CCDC138: variants seen among roughly 807,000 people sequenced by gnomAD.
CCDC138 encodes the protein coiled-coil domain containing 138.
In CCDC138, 66 loss-of-function variants were observed where a neutral mutation model predicts 82.3. The observed-to-expected ratio is 0.80, with a 90% CI of 0.66 to 0.98. The LOEUF (loss-of-function observed/expected upper bound fraction) is 0.98. Among genes scored for constraint, CCDC138 ranks in the 50% least tolerant of loss-of-function variants. The pLI, the probability that CCDC138 is intolerant of heterozygous loss-of-function variation, is 0.00. For missense variants in CCDC138, 816 were observed against 758.9 expected, an observed-to-expected ratio of 1.08 and a Z score of -0.88; for synonymous variants, 297 against 265.4, an observed-to-expected ratio of 1.12 and a Z score of -1.16.
At chr2:108,855,491 A>G (rs1212950114) in intron 12 of CCDC138, among the ~76,000 whole-genome samples, 1 of 152,068 alleles carries the variant, frequency 6.6e-6, no homozygotes, top group African/African-American at 2.4e-5. Context: ...TGTTGCTAAA[A>G]AAAAAAAAAG....
chr2:108,790,645 G>A (rs1679757425), intron 3 of CCDC138, among the ~76,000 whole-genome samples: 1 of 152,204 alleles, frequency 6.6e-6, no homozygotes, highest in Non-Finnish European at 1.5e-5. Context: ...AGGTTGCAGT[G>A]AGCCGAGATC....
intron 10 of CCDC138, among the ~76,000 whole-genome samples, chr2:108,818,291 A>C (rs1440572368): frequency 6.6e-6 from 1 of 152,182 alleles, no homozygotes; most frequent in East Asian, 1.9e-4. Context: ...TGGGCAACAG[A>C]GTGAGACCCT....
chr2:108,791,540 G>C, intron 3 of CCDC138, 135 bp from the exon 4 acceptor site: 3 of 1,028,030 alleles, frequency 2.9e-6, no homozygotes, highest in Non-Finnish European at 4.5e-6. Flanking sequence ...CTTTTTACAT[G>C]TTTACATTTT....
rs1574333204 is a variant in CCDC138 at position 108,873,926 on chromosome 2, A to T, written c.1832+337A>T. Among the ~76,000 whole-genome samples, 3 of 152,260 alleles carry T rather than the reference A, an allele frequency of 2.0e-5. No homozygotes were observed. The South Asian group carries it at 6.2e-4, about 32-fold the overall frequency. On this transcript the variant is annotated intron_variant, in intron 14 of 14. Coordinates refer to ENST00000295124, the MANE Select transcript of CCDC138 (RefSeq NM_144978.3). The stretch of plus-strand genomic sequence containing the variant: ...CTTTGATTATTAAAAAAAAATTTCC[A>T]TTATACAGATGTAGAAAATTAAGAT...
intron 4 of CCDC138, 81 bp from the exon 5 acceptor site, chr2:108,794,459 T>A (rs1271437246): frequency 1.6e-6 from 2 of 1,243,772 alleles, no homozygotes; most frequent in Non-Finnish European, 1.1e-6. Flanking sequence ...ACTTAAAGCA[T>A]CTCTTCCTAA....
intron 10 of CCDC138, among the ~76,000 whole-genome samples, chr2:108,837,902 T>C (rs933671508): frequency 2.0e-5 from 3 of 152,090 alleles, no homozygotes; most frequent in African/African-American, 4.8e-5. Context: ...TCTCAACTTA[T>C]GAGGTGTCTA....
At chr2:108,879,960 T>C (rs965765255), downstream of CCDC138, among the ~76,000 whole-genome samples, 1 of 152,190 alleles carries the variant, frequency 6.6e-6, no homozygotes, top group Admixed American at 6.5e-5. Flanking sequence ...CTATATCTAT[T>C]CTCCAGGTGC....
chr2:108,876,333 C>A lies in CCDC138; in HGVS notation c.*80C>A. 2.6e-6 allele frequency: 2 copies of A among 768,030 alleles called. No homozygotes were observed. Among genetic ancestry groups the A allele is most frequent in the Non-Finnish European group, 4.0e-6 (2 of 496,178 alleles). 47.6% of individuals were successfully genotyped at this position (768,030 alleles called of 1,614,324 possible). On this transcript the variant is annotated 3_prime_UTR_variant, in exon 15 of 15. Coordinates refer to ENST00000295124, the MANE Select transcript of CCDC138 (RefSeq NM_144978.3). ...ATTACCAAAGTAACTACAATTCTACCAAGTAAAGTTATCAGTAGCATCATT... is the reference window on the plus strand; with the variant it reads ...ATTACCAAAGTAACTACAATTCTACAAAGTAAAGTTATCAGTAGCATCATT...
intron 12 of CCDC138, among the ~76,000 whole-genome samples, chr2:108,849,267 A>G (rs1691016032): frequency 6.6e-6 from 1 of 152,232 alleles, no homozygotes; most frequent in African/African-American, 2.4e-5. Context: ...CTTAGAGTCT[A>G]TGAAGAGGGG....
intron 1 of CCDC138, 115 bp from the exon 2 acceptor site, chr2:108,787,917 C>T: frequency 1.1e-6 from 1 of 898,140 alleles, no homozygotes; most frequent in Admixed American, 3.1e-5. Flanking sequence ...AAGATGGTGT[C>T]TACAAGATTT....
chr2:108,831,721 C>CTTCCTTCCTTCCTTCCTTCCTTCT, intron 10 of CCDC138, among the ~76,000 whole-genome samples: 1 of 151,814 alleles, frequency 6.6e-6, no homozygotes, highest in South Asian at 2.1e-4. Flanking sequence ...TCCTTCCTTC[C>CTTCCTTCCTTCCTTCCTTCCTTCT]TTCCTTCCTT....
intron 9 of CCDC138, among the ~76,000 whole-genome samples, chr2:108,814,737 T>C (rs1684467871): frequency 6.6e-6 from 1 of 151,298 alleles, no homozygotes; most frequent in South Asian, 2.1e-4. Context: ...GGTGCAACCT[T>C]TGCCTTCTGG....
At chr2:108,825,445 A>G (rs1336066745) in intron 10 of CCDC138, among the ~76,000 whole-genome samples, 1 of 152,112 alleles carries the variant, frequency 6.6e-6, no homozygotes, top group African/African-American at 2.4e-5. Context: ...AAAAAACCCA[A>G]CCCATTAGCA....
chr2:108,819,409 C>G (rs1489090426), intron 10 of CCDC138, among the ~76,000 whole-genome samples: 8 of 152,204 alleles, frequency 5.3e-5, no homozygotes, highest in Admixed American at 5.2e-4. Flanking sequence ...CAGGACTGGT[C>G]TGCATCTCAC....
At chr2:108,850,407 A>G (rs1428894640) in intron 12 of CCDC138, among the ~76,000 whole-genome samples, 2 of 152,160 alleles carry the variant, frequency 1.3e-5, no homozygotes, top group African/African-American at 4.8e-5. Flanking sequence ...TAGACTGTTC[A>G]TATAAGAATC....
At chr2:108,826,473 G>C (rs190674014) in intron 10 of CCDC138, among the ~76,000 whole-genome samples, 1 of 152,098 alleles carries the variant, frequency 6.6e-6, no homozygotes, top group Non-Finnish European at 1.5e-5. Context: ...TTTACCTGTA[G>C]ATACCCATTT....
In CCDC138 at chr2:108,791,691, GAT is replaced by G. The variant is rs1679931772; in HGVS notation, c.284_285del (p.Asp95ValfsTer4). On this transcript the variant is annotated frameshift_variant, in exon 4 of 15. Coordinates refer to ENST00000295124, the MANE Select transcript of CCDC138 (RefSeq NM_144978.3). LOFTEE classifies it high-confidence loss of function. ...TTTTTAAAGCCTAGATGATGAACTGGATTCTTTCCATGATTTGAAGAAACAGG... is the reference window on the plus strand; with the variant it reads ...TTTTTAAAGCCTAGATGATGAACTGGTCTTTCCATGATTTGAAGAAACAGG... The part of the protein sequence containing the change: ...VNVNCLDDEL[D>X]SFHDLKKQET... 1.9e-6 allele frequency: 3 copies of G among 1,607,474 alleles called. No individual in the cohort carries two copies.
intron 12 of CCDC138, among the ~76,000 whole-genome samples, chr2:108,852,812 GT>G (rs1247274802): frequency 3.3e-5 from 5 of 152,058 alleles, no homozygotes; most frequent in Admixed American, 6.5e-5. Flanking sequence ...TAATACCTGG[GT>G]GATGAAATAA....
At chr2:108,810,725 A>G (rs895923427) in intron 7 of CCDC138, among the ~76,000 whole-genome samples, 34 of 152,210 alleles carry the variant, frequency 2.2e-4, no homozygotes, top group African/African-American at 8.0e-4. Context: ...TAGTTTGAGA[A>G]TTGGTATTTG....
Sources: gnomAD v4.1 joint callset for allele counts (sites outside exome capture counted in the v4.1 genomes callset) on GRCh38, gnomAD v4.1.1 for gene constraint, MANE v1.5 for transcripts, NCBI Gene and HGNC (gene_info 2026-07-23, HGNC 2026-07-21) for gene names.